The following RDX variants were observed in gnomAD, a reference collection of about 807,000 sequenced individuals.
RDX encodes deafness, autosomal recessive 24.
Under a neutral mutation model 83.7 loss-of-function variants are expected in RDX, and 32 were observed. The ratio of observed to expected loss-of-function variants is 0.38; its 90% CI spans 0.29 to 0.51. The LOEUF is 0.51. RDX is among the 20% of genes least tolerant of loss of function. RDX has a pLI of 0.87. For missense variants in RDX, 600 were observed against 689.9 expected, an observed-to-expected ratio of 0.87 and a Z score of 1.46; for synonymous variants, 229 against 222.7, an observed-to-expected ratio of 1.03 and a Z score of -0.25.
chr11:110,216,504 C>T (rs1277747522), intron 14 of RDX, among the ~76,000 whole-genome samples: 1 of 151,046 alleles, frequency 6.6e-6, no homozygotes, highest in Non-Finnish European at 1.5e-5. Context: ...TCCCAAGTAG[C>T]TGAGACTACA....
intron 10 of RDX, among the ~76,000 whole-genome samples, 156 bp downstream of exon 10, chr11:110,247,546 CA>C (rs557516640): frequency 2.0e-5 from 3 of 152,184 alleles, no homozygotes; most frequent in Non-Finnish European, 4.4e-5. Context: ...CTTAGTGAAA[CA>C]TGTTTATGAT....
intron 1 of RDX, among the ~76,000 whole-genome samples, chr11:110,295,120 T>A (rs1427853899): frequency 6.6e-6 from 1 of 152,170 alleles, no homozygotes; most frequent in Non-Finnish European, 1.5e-5. Context: ...CTCTGGAAGA[T>A]AAAGCACACT....
intron 10 of RDX, among the ~76,000 whole-genome samples, chr11:110,240,829 C>A (rs1865064212): frequency 6.7e-6 from 1 of 150,164 alleles, no homozygotes; most frequent in Non-Finnish European, 1.5e-5. Flanking sequence ...CCGAGGTGGG[C>A]AGATCACCTC....
At chr11:110,215,421 A>G (rs1192188763) in intron 14 of RDX, among the ~76,000 whole-genome samples, 1 of 151,278 alleles carries the variant, frequency 6.6e-6, no homozygotes, top group Non-Finnish European at 1.5e-5. Context: ...AAATAATAAT[A>G]ATGCTTTCCC....
Position 110,233,426 on chromosome 11 carries a change from C to T in RDX, c.1398G>A (p.Val466=). ...LEKTKEELKT[V]MSAPPPPPPP... ...GTGGAGGTGGAGGGGGGGCAGACATCACAGTTTTTAACTCTTCTTTGGTCT... is the reference window on the plus strand; with the variant it reads ...GTGGAGGTGGAGGGGGGGCAGACATTACAGTTTTTAACTCTTCTTTGGTCT... Residue 466 remains valine, a synonymous_variant, in exon 13 of 14, where the codon GTG becomes GTA. Coordinates refer to ENST00000645495, the MANE Select transcript of RDX (RefSeq NM_002906.4). The T allele has an allele frequency of 6.2e-7, 1 of 1,613,998 alleles. No individual in the cohort carries two copies. Among genetic ancestry groups the T allele is most frequent in the African/African-American group, 1.3e-5 (1 of 75,026 alleles).
At chr11:110,224,961 G>A (rs1317981758), downstream of RDX, among the ~76,000 whole-genome samples, 1 of 152,072 alleles carries the variant, frequency 6.6e-6, no homozygotes, top group Admixed American at 6.6e-5. Flanking sequence ...CCTTCCCAAA[G>A]CTACCAGTTG....
At chr11:110,282,159 A>G (rs1270571319) in intron 1 of RDX, among the ~76,000 whole-genome samples, 1 of 152,222 alleles carries the variant, frequency 6.6e-6, no homozygotes, top group African/African-American at 2.4e-5. Flanking sequence ...CACATTTCAT[A>G]GAACAATTTT....
intron 2 of RDX, among the ~76,000 whole-genome samples, chr11:110,274,242 A>G (rs1050660473): frequency 4.6e-5 from 7 of 152,240 alleles, no homozygotes; most frequent in Admixed American, 1.3e-4. Context: ...ATCCAACTGA[A>G]TAACAAGAAA....
At chr11:110,270,931 T>G (rs1860281195) in intron 3 of RDX, among the ~76,000 whole-genome samples, 1 of 152,180 alleles carries the variant, frequency 6.6e-6, no homozygotes, top group Non-Finnish European at 1.5e-5. Context: ...CTATTCACAT[T>G]TTTTTCAAAT....
At chr11:110,247,925 T>C (rs1324402174) in intron 9 of RDX, 92 bp from the exon 10 acceptor site, 7 of 1,431,172 alleles carry the variant, frequency 4.9e-6, no homozygotes, top group Non-Finnish European at 9.4e-7. Flanking sequence ...AGTAACAAAA[T>C]AATGTCTTTT....
chr11:110,236,387 T>C (rs1864851706), intron 11 of RDX, 196 bp from the exon 12 acceptor site: 2 of 531,118 alleles, frequency 3.8e-6, no homozygotes, highest in South Asian at 5.0e-5. Flanking sequence ...GGAGACAAAA[T>C]TAAAAAATTA....
In RDX at chr11:110,229,764, G is replaced by C. The variant is rs576545515; in HGVS notation, c.*2105C>G. Reference sequence around the variant, plus strand: ...AGATCATAAACAGCAAAATATAACTGATAATTTTTCAATACTGTATCAAAC... The same window carrying C: ...AGATCATAAACAGCAAAATATAACTCATAATTTTTCAATACTGTATCAAAC... On this transcript the variant is annotated 3_prime_UTR_variant, in exon 14 of 14. Coordinates refer to ENST00000645495, the MANE Select transcript of RDX (RefSeq NM_002906.4). The C allele has an allele frequency of 1.3e-5, 2 of 152,376 alleles. No individual in the cohort carries two copies. The highest frequency in any genetic ancestry group is 3.8e-4 in the East Asian group (2 of 5,200). The allele number at this position is 152,376 out of a possible 1,614,324, so 9.4% of individuals were successfully genotyped here.
intron 3 of RDX, among the ~76,000 whole-genome samples, chr11:110,270,067 G>T (rs970210186): frequency 6.6e-6 from 1 of 151,980 alleles, no homozygotes; most frequent in South Asian, 2.1e-4. Flanking sequence ...TTTTAATAAA[G>T]AAATAAGTAA....
Position 110,279,750 on chromosome 11 carries a change from T to C in RDX, c.-58A>G, listed in dbSNP as rs554164335. 6 of 1,072,974 alleles carry C rather than the reference T, an allele frequency of 5.6e-6. No homozygotes were observed. The highest frequency in any genetic ancestry group is 2.4e-5 in the East Asian group (1 of 41,502). The allele number at this position is 1,072,974 out of a possible 1,614,324, so 66.5% of individuals were successfully genotyped here. A position where few individuals can be genotyped will look rare whatever the true frequency, so the allele number is the denominator to read the frequency against. ...TTCTCCACTTCAATGAATTCTGTTA[T>C]CACTTTCTGTTAAAAAAAAAAAAGC... is the stretch of plus-strand genomic sequence containing the variant. On this transcript the variant is annotated 5_prime_UTR_variant, in exon 2 of 14. Coordinates refer to ENST00000645495, the MANE Select transcript of RDX (RefSeq NM_002906.4).
At chr11:110,270,946 T>TA (rs1451943272) in intron 3 of RDX, among the ~76,000 whole-genome samples, 2 of 152,152 alleles carry the variant, frequency 1.3e-5, no homozygotes, top group Admixed American at 6.5e-5. Context: ...TCAAATAAGA[T>TA]AGACTGTATA....
chr11:110,181,363 C>G (rs1447468050), intron 15 of RDX, among the ~76,000 whole-genome samples: 2 of 152,180 alleles, frequency 1.3e-5, no homozygotes, highest in African/African-American at 4.8e-5. Context: ...GGGGTTTCAT[C>G]ATGTTGGCCA....
At chr11:110,195,860 A>T (rs1863196306) in intron 15 of RDX, 1 of 152,178 alleles carries the variant, frequency 6.6e-6, no homozygotes, top group African/African-American at 2.4e-5. Context: ...AGTCCTGAAG[A>T]TGGGGTGCAG....
At chr11:110,205,356 G>GA (rs1238053034) in intron 14 of RDX, among the ~76,000 whole-genome samples, 5 of 87,534 alleles carry the variant, frequency 5.7e-5, no homozygotes, top group African/African-American at 9.0e-5. Context: ...ACACACACAA[G>GA]AAAAAATCCC....
intron 14 of RDX, among the ~76,000 whole-genome samples, chr11:110,204,138 T>C (rs1863516237): frequency 6.6e-6 from 1 of 152,050 alleles, no homozygotes; most frequent in Admixed American, 6.6e-5. Context: ...GTTTTATGGA[T>C]GGAGAAGACT....
Sources: gnomAD v4.1 joint callset for allele counts (sites outside exome capture counted in the v4.1 genomes callset) on GRCh38, gnomAD v4.1.1 for gene constraint, MANE v1.5 for transcripts, NCBI Gene and HGNC (gene_info 2026-07-23, HGNC 2026-07-21) for gene names.